Variants in PEX5L observed in about 807,000 individuals in gnomAD.
The protein encoded by PEX5L is PEX5-related protein.
In PEX5L, 30 loss-of-function variants were observed where a neutral mutation model predicts 84.0. The observed-to-expected ratio is 0.36, with a 90% CI of 0.27 to 0.48. The LOEUF is 0.48. Ranked by LOEUF, PEX5L falls within the 20% of genes least tolerant of loss-of-function variation. PEX5L has a pLI of 0.99. For missense variants in PEX5L, 533 were observed against 754.6 expected, an observed-to-expected ratio of 0.71 and a Z score of 3.44; for synonymous variants, 270 against 283.1, an observed-to-expected ratio of 0.95 and a Z score of 0.46.
intron 5 of PEX5L, among the ~76,000 whole-genome samples, chr3:179,878,392 G>A (rs1363337746): frequency 1.3e-5 from 2 of 152,056 alleles, no homozygotes; most frequent in African/African-American, 2.4e-5. Flanking sequence ...TTCTAAAATA[G>A]GAACTGTTGC....
chr3:180,011,622 T>C (rs7635439), intron 1 of PEX5L, among the ~76,000 whole-genome samples: 6,865 of 152,292 alleles, frequency 0.045, 535 homozygotes, highest in African/African-American at 0.16. Context: ...GATAATTTGC[T>C]TAAGTGATTG....
At chr3:179,810,207 A>G (rs146491004) in intron 11 of PEX5L, among the ~76,000 whole-genome samples, 24,056 of 151,192 alleles carry the variant, frequency 0.16, 2,014 homozygotes, top group South Asian at 0.2. Flanking sequence ...CAGGGTTTCC[A>G]TGTTGGCCAG....
chr3:179,944,573 T>A (rs1777021831), intron 2 of PEX5L, among the ~76,000 whole-genome samples: 1 of 152,220 alleles, frequency 6.6e-6, no homozygotes, highest in Admixed American at 6.5e-5. Flanking sequence ...CATCCCTTCC[T>A]TTTCCTCCAG....
chr3:180,021,173 G>A (rs1790392180), intron 1 of PEX5L, among the ~76,000 whole-genome samples: 1 of 152,182 alleles, frequency 6.6e-6, no homozygotes, highest in African/African-American at 2.4e-5. Flanking sequence ...CGGCCAGGTA[G>A]GTGAGAATGT....
chr3:179,985,607 G>C (rs1175740982), intron 1 of PEX5L, among the ~76,000 whole-genome samples: 1 of 151,976 alleles, frequency 6.6e-6, no homozygotes, highest in Non-Finnish European at 1.5e-5. Context: ...GGCTGCTGGA[G>C]CCATATAAAA....
At chr3:180,036,523 C>T (rs142689368) in intron 1 of PEX5L, 56 bp downstream of exon 1, 3 of 1,549,816 alleles carry the variant, frequency 1.9e-6, no homozygotes, top group African/African-American at 2.7e-5. Flanking sequence ...TGGTGAACCG[C>T]CTTGCTCTTA....
At chr3:180,024,779 A>G (rs1790793674) in intron 1 of PEX5L, among the ~76,000 whole-genome samples, 1 of 152,084 alleles carries the variant, frequency 6.6e-6, no homozygotes, top group Non-Finnish European at 1.5e-5. Context: ...ACAGGGTATA[A>G]GCAAATGACA....
chr3:179,900,888 C>A (rs1761090814), intron 2 of PEX5L, among the ~76,000 whole-genome samples: 1 of 152,208 alleles, frequency 6.6e-6, no homozygotes. Context: ...GCCACAATGA[C>A]ATCTCCATGG....
chr3:179,854,297 G>A (rs1743075098), intron 8 of PEX5L, among the ~76,000 whole-genome samples: 1 of 151,894 alleles, frequency 6.6e-6, no homozygotes, highest in South Asian at 2.1e-4. Flanking sequence ...AACAATACAT[G>A]TTCATGTGGT....
chr3:179,924,552 T>C (rs1417175094), intron 2 of PEX5L, among the ~76,000 whole-genome samples: 1 of 152,226 alleles, frequency 6.6e-6, no homozygotes, highest in Non-Finnish European at 1.5e-5. Flanking sequence ...AAGTGAAATT[T>C]GATCCTTATC....
At chr3:179,953,846 A>C (rs1779757651) in intron 2 of PEX5L, among the ~76,000 whole-genome samples, 1 of 152,190 alleles carries the variant, frequency 6.6e-6, no homozygotes, top group Non-Finnish European at 1.5e-5. Flanking sequence ...TAATGGAAGG[A>C]GTGAAAGAGC....
rs969153803 is a variant in PEX5L at position 179,797,086 on chromosome 3, C to T, written c.*4742G>A. The T allele has an allele frequency of 4.0e-5, 6 of 151,578 alleles. No individual in the cohort carries two copies. Among genetic ancestry groups the T allele is most frequent in the East Asian group, 3.9e-4 (2 of 5,184 alleles). 9.4% of individuals were successfully genotyped at this position (151,578 alleles called of 1,614,324 possible). On this transcript the variant is annotated 3_prime_UTR_variant, in exon 15 of 15. Coordinates refer to ENST00000467460, the MANE Select transcript of PEX5L (RefSeq NM_016559.3). ...AAATGCATTATTAAGAATTTAAAGT[C>T]GAAACCTTTATGTGCTGAGGCAGTC...
intron 7 of PEX5L, among the ~76,000 whole-genome samples, chr3:179,868,343 T>C (rs1461285551): frequency 5.3e-5 from 8 of 152,052 alleles, no homozygotes; most frequent in Non-Finnish European, 8.8e-5. Flanking sequence ...TCAAATAATA[T>C]ATAAAAATAT....
intron 8 of PEX5L, among the ~76,000 whole-genome samples, chr3:179,834,401 C>A (rs1046194681): frequency 2.6e-5 from 4 of 152,216 alleles, no homozygotes; most frequent in African/African-American, 9.7e-5. Flanking sequence ...CCCACAGAAG[C>A]AGAACATGAG....
At chr3:179,923,853 GT>G (rs1214530462) in intron 2 of PEX5L, among the ~76,000 whole-genome samples, 2 of 152,182 alleles carry the variant, frequency 1.3e-5, no homozygotes, top group African/African-American at 4.8e-5. Context: ...TTTTTAAGAA[GT>G]TTTAGCTGAG....
At chr3:179,841,245 G>A (rs970646697) in intron 8 of PEX5L, among the ~76,000 whole-genome samples, 1 of 152,080 alleles carries the variant, frequency 6.6e-6, no homozygotes, top group Non-Finnish European at 1.5e-5. Flanking sequence ...GCCCCAACCT[G>A]CTTTCTAACC....
chr3:179,850,402 C>T (rs1741369863), intron 8 of PEX5L, among the ~76,000 whole-genome samples: 1 of 152,184 alleles, frequency 6.6e-6, no homozygotes, highest in South Asian at 2.1e-4. Context: ...GCTGGGATTA[C>T]AGGTGTGAGC....
intron 1 of PEX5L, among the ~76,000 whole-genome samples, chr3:179,993,887 T>C (rs1787616072): frequency 6.6e-6 from 1 of 152,184 alleles, no homozygotes; most frequent in Non-Finnish European, 1.5e-5. Context: ...CACAGGAAAA[T>C]AAGTCTGTAC....
intron 1 of PEX5L, among the ~76,000 whole-genome samples, chr3:180,024,224 C>T (rs1790691694): frequency 1.3e-5 from 2 of 151,380 alleles, no homozygotes; most frequent in Middle Eastern, 6.8e-3. Flanking sequence ...ATCACTCCTC[C>T]GTATTTCGGG....
Sources: gnomAD v4.1 joint callset for allele counts (sites outside exome capture counted in the v4.1 genomes callset) on GRCh38, gnomAD v4.1.1 for gene constraint, MANE v1.5 for transcripts, NCBI Gene and HGNC (gene_info 2026-07-23, HGNC 2026-07-21) for gene names.